Variants in WWOX observed in about 807,000 individuals in gnomAD.
The protein encoded by WWOX is WW domain containing oxidoreductase.
Under a neutral mutation model 46.2 loss-of-function variants are expected in WWOX, and 69 were observed. That is an observed-to-expected ratio of 1.49 (90% confidence interval 1.23 to 1.82). WWOX has a LOEUF of 1.82. Ranked by LOEUF, WWOX falls within the 40% of genes most tolerant of loss-of-function variation. The probability of loss-of-function intolerance (pLI) is 0.00; values close to 1 mark genes in which losing one functional copy is unlikely to be tolerated. For synonymous variants in WWOX, 359 were observed against 202.6 expected (o/e 1.77, Z -6.56); for missense variants, 919 against 542.6 (o/e 1.69, Z -6.89).
At chr16:78,318,049 A>T (rs1326771388) in intron 5 of WWOX, among the ~76,000 whole-genome samples, 1 of 152,140 alleles carries the variant, frequency 6.6e-6, no homozygotes, top group Non-Finnish European at 1.5e-5. Flanking sequence ...AGCACAAAAG[A>T]TCCAGGCGTA....
At chr16:78,502,184 T>G (rs74029398) in intron 8 of WWOX, among the ~76,000 whole-genome samples, 3,188 of 152,272 alleles carry the variant, frequency 0.021, 88 homozygotes, top group African/African-American at 0.064. Flanking sequence ...TTTAATAGTT[T>G]TATTGATATA....
chr16:78,971,387 G>A (rs1019904976), intron 8 of WWOX, among the ~76,000 whole-genome samples: 11 of 149,194 alleles, frequency 7.4e-5, no homozygotes, highest in South Asian at 2.1e-4. Flanking sequence ...TCCGGGAGGC[G>A]GAGGTTGCAG....
intron 5 of WWOX, among the ~76,000 whole-genome samples, chr16:78,170,214 T>C (rs2035111013): frequency 1.3e-5 from 2 of 152,202 alleles, no homozygotes; most frequent in South Asian, 4.1e-4. Context: ...TAAAACATGC[T>C]GTATTATAGT....
chr16:79,128,590 T>C (rs1319941122), intron 8 of WWOX, among the ~76,000 whole-genome samples: 4 of 152,150 alleles, frequency 2.6e-5, no homozygotes, highest in African/African-American at 9.7e-5. Flanking sequence ...AACGGTTTGA[T>C]TTCAGTAGCA....
intron 8 of WWOX, among the ~76,000 whole-genome samples, chr16:78,620,585 T>C (rs1006344365): frequency 1.3e-5 from 2 of 152,212 alleles, no homozygotes; most frequent in Non-Finnish European, 2.9e-5. Context: ...TCTGGGACTC[T>C]TGTCCCCTGA....
intron 8 of WWOX, among the ~76,000 whole-genome samples, chr16:78,902,365 C>T (rs149632464): frequency 5.8e-4 from 88 of 152,256 alleles, no homozygotes; most frequent in Middle Eastern, 3.4e-3. Flanking sequence ...AAAGAGTCAC[C>T]GCTGATTAAT....
chr16:78,226,420 T>C (rs1442850079), intron 5 of WWOX, among the ~76,000 whole-genome samples: 3 of 151,902 alleles, frequency 2.0e-5, no homozygotes, highest in African/African-American at 7.3e-5. Flanking sequence ...CTAGAAAATA[T>C]TAGAAAGAAG....
chr16:78,368,951 A>C (rs997780043), intron 5 of WWOX, among the ~76,000 whole-genome samples: 1 of 151,994 alleles, frequency 6.6e-6, no homozygotes, highest in Admixed American at 6.6e-5. Context: ...TGCTCCTCAT[A>C]GACTTCCTGT....
intron 5 of WWOX, among the ~76,000 whole-genome samples, chr16:78,374,340 T>C (rs912816320): frequency 1.3e-5 from 2 of 152,122 alleles, no homozygotes; most frequent in African/African-American, 2.4e-5. Context: ...ATTTAATGGA[T>C]CAGTGAAATC....
At chr16:78,920,285 G>A (rs2045349154) in intron 8 of WWOX, among the ~76,000 whole-genome samples, 1 of 152,188 alleles carries the variant, frequency 6.6e-6, no homozygotes, top group African/African-American at 2.4e-5. Context: ...CAGTGACCTG[G>A]TCACTCTGGG....
chr16:79,202,352 G>C (rs887905272), intron 8 of WWOX, among the ~76,000 whole-genome samples: 1 of 152,154 alleles, frequency 6.6e-6, no homozygotes, highest in Admixed American at 6.5e-5. Context: ...CCTCAGTAGT[G>C]TTTTGGGATA....
At chr16:78,140,327 C>G (rs986932905) in intron 4 of WWOX, among the ~76,000 whole-genome samples, 3 of 152,030 alleles carry the variant, frequency 2.0e-5, no homozygotes, top group Non-Finnish European at 4.4e-5. Context: ...TAAATGAGTC[C>G]CAGTTTGATG....
intron 5 of WWOX, among the ~76,000 whole-genome samples, chr16:78,376,570 C>G (rs1029335361): frequency 2.6e-5 from 4 of 152,130 alleles, no homozygotes; most frequent in Non-Finnish European, 5.9e-5. Flanking sequence ...ACCGAAGTGC[C>G]TATGACAAAC....
chr16:78,867,267 G>C lies in WWOX; in HGVS notation c.1057-344341G>C, dbSNP rs554865963. Among the ~76,000 whole-genome samples, 13 of 152,222 alleles carry C rather than the reference G, an allele frequency of 8.5e-5. No homozygotes were observed. In the East Asian group the frequency reaches 2.5e-3, roughly 30 times the overall value. Reference sequence around the variant, plus strand: ...ACAATGGAGTGAACATCTTGGCTTGGTTAACAGAAGAAAAGAATACCAACG... The same window carrying C: ...ACAATGGAGTGAACATCTTGGCTTGCTTAACAGAAGAAAAGAATACCAACG... On this transcript the variant is annotated intron_variant, in intron 8 of 8. Coordinates refer to ENST00000566780, the MANE Select transcript of WWOX (RefSeq NM_016373.4).
intron 5 of WWOX, among the ~76,000 whole-genome samples, chr16:78,385,162 A>ACACACACACACACACACACAC (rs1567540757): frequency 4.9e-4 from 15 of 30,756 alleles, no homozygotes; most frequent in African/African-American, 3.0e-3. Flanking sequence ...CACACACACA[A>ACACACACACACACACACACAC]AAGCACAGGG....
At chr16:78,869,116 A>G (rs1247851258) in intron 8 of WWOX, among the ~76,000 whole-genome samples, 1 of 152,212 alleles carries the variant, frequency 6.6e-6, no homozygotes, top group Non-Finnish European at 1.5e-5. Context: ...GTTTAGAATG[A>G]AATTTTAAAT....
intron 8 of WWOX, among the ~76,000 whole-genome samples, chr16:78,462,845 C>T (rs2083984418): frequency 6.6e-6 from 1 of 152,220 alleles, no homozygotes; most frequent in Non-Finnish European, 1.5e-5. Flanking sequence ...ACATAGACAA[C>T]ATCTAAATTT....
chr16:78,598,466 T>G (rs2045542761), intron 8 of WWOX, among the ~76,000 whole-genome samples: 1 of 152,184 alleles, frequency 6.6e-6, no homozygotes, highest in Non-Finnish European at 1.5e-5. Flanking sequence ...CTGTGCATTT[T>G]GGTTCATTTT....
At chr16:79,053,949 T>C (rs187140001) in intron 8 of WWOX, among the ~76,000 whole-genome samples, 3 of 151,900 alleles carry the variant, frequency 2.0e-5, no homozygotes, top group African/African-American at 7.2e-5. Context: ...ACTAAGAGGA[T>C]TTTTCTTTCT....
Sources: gnomAD v4.1 joint callset for allele counts (sites outside exome capture counted in the v4.1 genomes callset) on GRCh38, gnomAD v4.1.1 for gene constraint, MANE v1.5 for transcripts, NCBI Gene and HGNC (gene_info 2026-07-23, HGNC 2026-07-21) for gene names.